SORBS2: variants seen among roughly 807,000 people sequenced by gnomAD.
The protein encoded by SORBS2 is sorbin and SH3 domain containing 2, also known as sorbin and SH3 domain-containing protein 2.
A neutral mutation model predicts 97.7 loss-of-function variants in SORBS2; 46 were observed. The ratio of observed to expected loss-of-function variants is 0.47; its 90% CI spans 0.37 to 0.60. The LOEUF is 0.60. Ranked by LOEUF, SORBS2 falls within the 20% of genes least tolerant of loss-of-function variation. The pLI is 0.00. For missense variants in SORBS2, 1,316 were observed against 1,282.3 expected (o/e 1.03, Z -0.40); for synonymous variants, 476 against 473.4 (o/e 1.01, Z -0.07).
At chr4:185,858,750 G>A (rs894872469) in intron 1 of SORBS2, among the ~76,000 whole-genome samples, 1 of 152,092 alleles carries the variant, frequency 6.6e-6, no homozygotes, top group Non-Finnish European at 1.5e-5. Context: ...GAATTAATTG[G>A]CTTCATGAAC....
At chr4:185,660,739 C>T (rs913855982), upstream of SORBS2, among the ~76,000 whole-genome samples, 1 of 152,110 alleles carries the variant, frequency 6.6e-6, no homozygotes, top group Non-Finnish European at 1.5e-5. Context: ...TGGTTCAAGT[C>T]CTGGGTTTTA....
At chr4:185,611,795 G>A (rs202196439) in exon 12 of SORBS2, 7 of 1,613,674 alleles carry the variant, frequency 4.3e-6, no homozygotes, top group Non-Finnish European at 5.1e-6. Context: ...TTGAGCTCAA[G>A]CTGTGAATCC....
chr4:185,659,791 C>G (rs1326845796), upstream of SORBS2, among the ~76,000 whole-genome samples: 1 of 152,152 alleles, frequency 6.6e-6, no homozygotes, highest in African/African-American at 2.4e-5. Flanking sequence ...CCAAAAAGGA[C>G]TTGAGTGGGC....
intron 2 of SORBS2, chr4:185,770,859 C>T (rs1353005163): frequency 2.0e-5 from 3 of 151,202 alleles, no homozygotes; most frequent in African/African-American, 7.3e-5. Context: ...CAAATGAAGT[C>T]TTCTTGAAAT....
chr4:185,720,880 C>T (rs1004071787), intron 2 of SORBS2, among the ~76,000 whole-genome samples: 19 of 152,090 alleles, frequency 1.2e-4, no homozygotes, highest in African/African-American at 1.9e-4. Flanking sequence ...ATTCCAGCCA[C>T]GGCTCCGACA....
chr4:185,805,164 C>A (rs1031900057), intron 1 of SORBS2, among the ~76,000 whole-genome samples: 7 of 152,028 alleles, frequency 4.6e-5, no homozygotes, highest in Admixed American at 2.0e-4. Flanking sequence ...TGAGCTTTAT[C>A]TATGCTTCTG....
Position 185,639,036 on chromosome 4 carries a change from C to T in SORBS2, c.396+7632G>A, listed in dbSNP as rs763448406. ...GTGTCGGAGTTGTTGGGAGAGGGGGCTGCAAGAAAGAGGGGTGCAGAAACT... is the reference window on the plus strand; with the variant it reads ...GTGTCGGAGTTGTTGGGAGAGGGGGTTGCAAGAAAGAGGGGTGCAGAAACT... On this transcript the variant is annotated intron_variant, in intron 4 of 14. Transcript: ENST00000418609. 6.6e-7 allele frequency: 1 copy of T among 1,512,870 alleles called. No individual in the cohort carries two copies. The highest frequency in any genetic ancestry group is 1.3e-5 in the South Asian group (1 of 79,020). 93.7% of individuals were successfully genotyped at this position (1,512,870 alleles called of 1,614,324 possible).
rs2099153884 is a variant in SORBS2, at chr4:185,806,434, C to CTGTTTTTTTT, written c.-337-31069_-337-31068insAAAAAAAACA. On this transcript the variant is annotated intron_variant, in intron 1 of 20. Transcript: ENST00000284776. Reference sequence around the variant, plus strand: ...AGTGGCACAGCTCTTGGCTAGAATCCTATTTTTTTTTTTTTTTTTTTTTTT... The same window carrying CTGTTTTTTTT: ...AGTGGCACAGCTCTTGGCTAGAATCCTGTTTTTTTTTATTTTTTTTTTTTTTTTTTTTTTT... Among the ~76,000 whole-genome samples, 121 of 108,150 alleles carry CTGTTTTTTTT rather than the reference C, an allele frequency of 1.1e-3. 54 individuals carry two copies. The highest frequency in any genetic ancestry group is 3.7e-3 in the African/African-American group (100 of 27,296). The allele number at this position is 108,150 out of a possible 152,430, so 71.0% of individuals were successfully genotyped here. A position where few individuals can be genotyped will look rare whatever the true frequency, so the allele number is the denominator to read the frequency against.
chr4:185,862,257 C>A (rs539059303), intron 1 of SORBS2, among the ~76,000 whole-genome samples: 3 of 152,350 alleles, frequency 2.0e-5, no homozygotes, highest in Non-Finnish European at 4.4e-5. Flanking sequence ...AGGTGCCAGG[C>A]TTTGCAGCTT....
At chr4:185,667,479 A>C (rs1052221752) in intron 4 of SORBS2, among the ~76,000 whole-genome samples, 2 of 152,200 alleles carry the variant, frequency 1.3e-5, no homozygotes, top group East Asian at 3.9e-4. Flanking sequence ...AATCTGATAA[A>C]TGTGACTGAT....
At chr4:185,624,372 G>A (rs760030259) in exon 7 of SORBS2, 44 of 1,614,056 alleles carry the variant, frequency 2.7e-5, no homozygotes, top group Non-Finnish European at 3.6e-5. Context: ...ATGGCTCTTG[G>A]TGAGTCCCGA....
At chr4:185,912,382 C>G (rs1032880105) in intron 1 of SORBS2, among the ~76,000 whole-genome samples, 1 of 151,734 alleles carries the variant, frequency 6.6e-6, no homozygotes. Flanking sequence ...GTCAGGAGTT[C>G]GAGACCAGCC....
chr4:185,609,042 A>T (rs1337173216), intron 12 of SORBS2, among the ~76,000 whole-genome samples: 1 of 151,744 alleles, frequency 6.6e-6, no homozygotes, highest in African/African-American at 2.4e-5. Context: ...CATAAATATC[A>T]CAAAACTCAT....
At chr4:185,814,572 A>G (rs1033429063) in intron 1 of SORBS2, among the ~76,000 whole-genome samples, 2 of 152,156 alleles carry the variant, frequency 1.3e-5, no homozygotes, top group Admixed American at 1.3e-4. Context: ...AAACAAACAA[A>G]CAAACAAATA....
At chr4:185,833,489 T>C (rs911558930) in intron 1 of SORBS2, among the ~76,000 whole-genome samples, 17 of 152,370 alleles carry the variant, frequency 1.1e-4, no homozygotes, top group African/African-American at 4.1e-4. Context: ...CAATTAGTGC[T>C]ACTACACTAT....
chr4:185,607,208 G>A lies in SORBS2; in HGVS notation c.2796+4572C>T, dbSNP rs1244137207. On this transcript the variant is annotated intron_variant, in intron 12 of 14. Coordinates refer to ENST00000418609, the Ensembl canonical transcript of SORBS2. The surrounding 1 kb of genome is among the most constrained non-coding windows in gnomAD (Gnocchi z 5.2). ...CCCAAGAAGTTGTCCAGGAAACGAG[G>A]TGGTGTTGGGGCCAAAGGGTTTGCT... 3 of 1,148,144 alleles carry A rather than the reference G, an allele frequency of 2.6e-6. No homozygotes were observed. Among genetic ancestry groups the A allele is most frequent in the Non-Finnish European group, 3.3e-6 (3 of 921,826 alleles). 71.1% of individuals were successfully genotyped at this position (1,148,144 alleles called of 1,614,324 possible). A position where few individuals can be genotyped will look rare whatever the true frequency, so the allele number is the denominator to read the frequency against.
At chr4:185,953,661 C>T (rs952679607) in intron 1 of SORBS2, among the ~76,000 whole-genome samples, 1 of 152,360 alleles carries the variant, frequency 6.6e-6, no homozygotes, top group African/African-American at 2.4e-5. Context: ...TAATAAGGGC[C>T]TTTCTGTTGC....
At position 185,731,562 on chromosome 4, in the gene SORBS2, G is replaced by T. The variant is rs1178430625; in HGVS notation, c.-198+43665C>A. ...TCCCTGCCTCTCTCCCTCCCTCCCT[G>T]CCTATCTCTCTCCTTCCCTCTCTCC... On this transcript the variant is annotated intron_variant, in intron 2 of 20. Transcript: ENST00000284776. Among the ~76,000 whole-genome samples the T allele has an allele frequency of 3.7e-3, 116 of 31,676 alleles. 1 individual carries two copies. The highest frequency in any genetic ancestry group is 0.011 in the African/African-American group (107 of 10,174). The allele number at this position is 31,676 out of a possible 152,430, so 20.8% of individuals were successfully genotyped here.
chr4:185,693,485 G>T (rs2098128219), intron 2 of SORBS2, among the ~76,000 whole-genome samples: 1 of 152,074 alleles, frequency 6.6e-6, no homozygotes, highest in Non-Finnish European at 1.5e-5. Context: ...AAATGGAAAA[G>T]AAAAGCCTCA....
Sources: gnomAD v4.1 joint callset for allele counts (sites outside exome capture counted in the v4.1 genomes callset) on GRCh38, gnomAD v4.1.1 for gene constraint, Gnocchi (gnomAD v3.1) non-coding constraint, MANE v1.5 for transcripts, NCBI Gene and HGNC (gene_info 2026-07-23, HGNC 2026-07-21) for gene names.